The following KCTD17 variants were observed in gnomAD, a reference collection of about 807,000 sequenced individuals.
The protein encoded by KCTD17 is BTB/POZ domain-containing protein KCTD17.
KCTD17 carries 20 observed loss-of-function variants against 41.5 expected under a neutral mutation model. That is an observed-to-expected ratio of 0.48 (90% confidence interval 0.34 to 0.70). KCTD17 has a LOEUF of 0.70. Ranked by LOEUF, KCTD17 falls within the 30% of genes least tolerant of loss-of-function variation. The pLI is 0.01. For synonymous variants in KCTD17, 156 were observed against 173.8 expected, an observed-to-expected ratio of 0.90 and a Z score of 0.80; for missense variants, 317 against 427.2, an observed-to-expected ratio of 0.74 and a Z score of 2.27.
At chr22:37,057,341 C>G in intron 3 of KCTD17, 57 bp from the exon 4 acceptor site, 1 of 1,404,448 alleles carries the variant, frequency 7.1e-7, no homozygotes, top group African/African-American at 1.4e-5. Context: ...GCTCATGCCC[C>G]TCCTGGGGTG....
In KCTD17 at chr22:37,051,952, G is replaced by A; in HGVS notation, c.189+3G>A. On this transcript the variant is annotated splice_donor_region_variant and intron_variant, in intron 1 of 8. Coordinates refer to ENST00000403888, the MANE Select transcript of KCTD17 (RefSeq NM_001282684.2). ...GGGAAGAGCTGCAGTCGGACCGGGTGAGGCCCCCGGGGTGGGCGGCGAGCG... is the reference window on the plus strand; with the variant it reads ...GGGAAGAGCTGCAGTCGGACCGGGTAAGGCCCCCGGGGTGGGCGGCGAGCG... The A allele has an allele frequency of 4.7e-6, 7 of 1,474,302 alleles. No individual in the cohort carries two copies. The highest frequency in any genetic ancestry group is 2.1e-4 in the Middle Eastern group (1 of 4,842). 91.3% of individuals were successfully genotyped at this position (1,474,302 alleles called of 1,614,324 possible).
intron 5 of KCTD17, 175 bp downstream of exon 5, chr22:37,059,613 G>C (rs1925544083): frequency 2.7e-6 from 2 of 753,340 alleles, no homozygotes; most frequent in Non-Finnish European, 4.2e-6. Flanking sequence ...CCGTTACCCA[G>C]GCCCAGGCTG....
In KCTD17 at chr22:37,058,775, C is replaced by T. The variant is rs553104705; in HGVS notation, c.487-538C>T. On this transcript the variant is annotated intron_variant, in intron 4 of 8. Transcript: ENST00000403888. ...GGTGTCTTTGGCAATTGCACAGGCT[C>T]TCAGAGGCTGAGCAAGCAGGCCAGG... Among the ~76,000 whole-genome samples the T allele has an allele frequency of 3.5e-3, 529 of 152,340 alleles. 4 individuals are homozygous for T. The highest frequency in any genetic ancestry group is 0.012 in the African/African-American group (507 of 41,582).
Position 37,061,632 on chromosome 22 carries a change from T to C in KCTD17, c.875+3T>C. 6.3e-7 allele frequency: 1 copy of C among 1,595,576 alleles called. No homozygotes were observed. The highest frequency in any genetic ancestry group is 8.5e-7 in the Non-Finnish European group (1 of 1,177,740). ...CGCCCCCAGAGCTGCCATCCCTGGT[T>C]TGTAGCTTGGCGGTGCTGGAGGGAG... On this transcript the variant is annotated splice_donor_region_variant and intron_variant, in intron 8 of 8. Coordinates refer to ENST00000403888, the MANE Select transcript of KCTD17 (RefSeq NM_001282684.2). The surrounding 1 kb of genome is among the most constrained non-coding windows in gnomAD (Gnocchi z 6.6).
rs563025506 is a variant in KCTD17 at position 37,061,127 on chromosome 22, A to C, written c.736A>C (p.Asn246His). 5.4e-5 allele frequency: 84 copies of C among 1,551,116 alleles called. No individual in the cohort carries two copies. In the South Asian group the frequency reaches 9.8e-4, roughly 18 times the overall value. ...AGCCCAGTCATCTCAGGATCCCGCTAACCTTTTCTCCCTCCCACCACTGCC... is the reference window on the plus strand; with the variant it reads ...AGCCCAGTCATCTCAGGATCCCGCTCACCTTTTCTCCCTCCCACCACTGCC... ...EKAQSSQDPANLFSLPPLPPP... is the reference protein window; with the variant it reads ...EKAQSSQDPAHLFSLPPLPPP... Residue 246 changes from asparagine (N) to histidine (H), a missense_variant, in exon 7 of 9, where the codon AAC becomes CAC. By Grantham distance (68) the Asn-to-His change is moderately conservative. Coordinates refer to ENST00000403888, the MANE Select transcript of KCTD17 (RefSeq NM_001282684.2). The surrounding 1 kb of genome is among the most constrained non-coding windows in gnomAD (Gnocchi z 6.6).
intron 5 of KCTD17, 44 bp from the exon 6 acceptor site, chr22:37,060,779 G>T: frequency 6.9e-7 from 1 of 1,457,946 alleles, no homozygotes; most frequent in Non-Finnish European, 9.1e-7. Flanking sequence ...CCCTCTGTTA[G>T]TGTCTCCACT....
chr22:37,055,907 G>A (rs571209932), intron 2 of KCTD17, among the ~76,000 whole-genome samples: 3 of 152,288 alleles, frequency 2.0e-5, no homozygotes, highest in Non-Finnish European at 4.4e-5. Context: ...CTAGTTCTGA[G>A]AATTCAAAAA....
rs959934185 is a variant in KCTD17, at chr22:37,051,919, G to A, written c.159G>A (p.Leu53=). The stretch of plus-strand genomic sequence containing the variant: ...AGCAGAAGTCCTTCCTCAGCCGCCT[G>A]TGCCAGGGGGAAGAGCTGCAGTCGG... ...CREQKSFLSR[L]CQGEELQSDR... Residue 53 remains leucine, a synonymous_variant, in exon 1 of 9, where the codon CTG becomes CTA. Coordinates refer to ENST00000403888, the MANE Select transcript of KCTD17 (RefSeq NM_001282684.2). The A allele has an allele frequency of 2.7e-6, 4 of 1,500,918 alleles. No individual in the cohort carries two copies. Among genetic ancestry groups the A allele is most frequent in the Non-Finnish European group, 3.6e-6 (4 of 1,125,076 alleles). 93.0% of individuals were successfully genotyped at this position (1,500,918 alleles called of 1,614,324 possible).
intron 3 of KCTD17, 95 bp from the exon 4 acceptor site, chr22:37,057,303 G>C (rs973713580): frequency 2.2e-6 from 2 of 898,232 alleles, no homozygotes; most frequent in African/African-American, 3.3e-5. Context: ...TCTTCTTTGG[G>C]TATGTTGCGG....
chr22:37,053,192 G>A lies in KCTD17; in HGVS notation c.282G>A (p.Lys94=). ...GGCATGGCAAGCTGGTGCTGGACAA[G>A]GACATGGCTGAGGAGGGTGAGTTGG... is the stretch of plus-strand genomic sequence containing the variant. ...FLRHGKLVLD[K]DMAEEGVLEE... Residue 94 remains lysine, a synonymous_variant, in exon 2 of 9, where the codon AAG becomes AAA. Transcript: ENST00000403888. The surrounding 1 kb of genome is among the most constrained non-coding windows in gnomAD (Gnocchi z 4.1). 1 of 1,603,674 alleles carries A rather than the reference G, an allele frequency of 6.2e-7. No individual in the cohort carries two copies. Among genetic ancestry groups the A allele is most frequent in the Non-Finnish European group, 8.5e-7 (1 of 1,175,274 alleles).
Position 37,062,842 on chromosome 22 carries a change from G to A in KCTD17, c.*248G>A, listed in dbSNP as rs1925956243. 5.2e-6 allele frequency: 4 copies of A among 764,846 alleles called. No individual in the cohort carries two copies. The highest frequency in any genetic ancestry group is 2.0e-5 in the South Asian group (1 of 49,334). The allele number at this position is 764,846 out of a possible 1,614,324, so 47.4% of individuals were successfully genotyped here. On this transcript the variant is annotated 3_prime_UTR_variant, in exon 9 of 9. Coordinates refer to ENST00000403888, the MANE Select transcript of KCTD17 (RefSeq NM_001282684.2). The stretch of plus-strand genomic sequence containing the variant: ...CTCCGGCACCTGCGTCCCCTCTCCC[G>A]GGCTCCCCTGCTGCATGGTGGATGT...
In KCTD17 at chr22:37,061,100, G is replaced by T; in HGVS notation, c.713-4G>T. The T allele has an allele frequency of 6.4e-7, 1 of 1,551,430 alleles. No homozygotes were observed. Among genetic ancestry groups the T allele is most frequent in the Middle Eastern group, 1.7e-4 (1 of 5,992 alleles). The stretch of plus-strand genomic sequence containing the variant: ...CCATCCCTTCTCTCACTTTCTCTTT[G>T]CAGCCCAGTCATCTCAGGATCCCGC... On this transcript the variant is annotated splice_region_variant and splice_polypyrimidine_tract_variant and intron_variant, in intron 6 of 8. Transcript: ENST00000403888. The surrounding 1 kb of genome is among the most constrained non-coding windows in gnomAD (Gnocchi z 6.6).
At chr22:37,057,127 C>A (rs574717152) in intron 3 of KCTD17, among the ~76,000 whole-genome samples, 1 of 152,254 alleles carries the variant, frequency 6.6e-6, no homozygotes, top group Admixed American at 6.5e-5. Context: ...AGCTGGGTGA[C>A]CTTGGGCAAG....
intron 2 of KCTD17, among the ~76,000 whole-genome samples, chr22:37,055,968 CAG>C (rs1304269948): frequency 1.3e-5 from 2 of 152,334 alleles, no homozygotes; most frequent in East Asian, 3.9e-4. Flanking sequence ...AGCACATAAT[CAG>C]GGGTCAGGCA....
rs747826376 is a variant in KCTD17, at chr22:37,051,859, G to A, written c.99G>A (p.Thr33=). ...GKWVRLNVGG[T]VFLTTRQTLC... is the part of the protein sequence containing the mutation. ...GGGTGCGGCTCAACGTGGGGGGCAC[G>A]GTGTTCCTGACCACCCGGCAGACGC... is the stretch of plus-strand genomic sequence containing the variant. The change falls in exon 1 of 9, where the codon ACG becomes ACA. Residue 33 remains threonine (T), a synonymous_variant. Transcript: ENST00000403888. 2.8e-5 allele frequency: 42 copies of A among 1,475,912 alleles called. No homozygotes were observed. The highest frequency in any genetic ancestry group is 2.0e-4 in the East Asian group (7 of 35,482). 91.4% of individuals were successfully genotyped at this position (1,475,912 alleles called of 1,614,324 possible).
intron 2 of KCTD17, chr22:37,055,040 AGACTGCT>A (rs773825942): frequency 3.9e-5 from 6 of 152,218 alleles, no homozygotes; most frequent in Non-Finnish European, 7.3e-5. Flanking sequence ...TCCGGATTGC[AGACTGCT>A]GACTTCTCGT....
At chr22:37,052,266 G>A in intron 1 of KCTD17, 1 of 399,326 alleles carries the variant, frequency 2.5e-6, no homozygotes, top group Non-Finnish European at 4.7e-6. Flanking sequence ...CTCCCAAAGG[G>A]GACTCCTGCT....
chr22:37,060,860 AGGAGGAGGT>A lies in KCTD17; in HGVS notation c.665_673del (p.Glu222_Glu224del), dbSNP rs1030764419. The stretch of plus-strand genomic sequence containing the variant: ...CAGCTGGAGGAGCAGCAGCAGCAGG[AGGAGGAGGT>A]GGAGGAGGTGGAGGTGGAACAGGTG... On this transcript the variant is annotated inframe_deletion, in exon 6 of 9. Transcript: ENST00000403888. 8 of 1,531,896 alleles carry A rather than the reference AGGAGGAGGT, an allele frequency of 5.2e-6. No homozygotes were observed. Among genetic ancestry groups the A allele is most frequent in the African/African-American group, 4.1e-5 (3 of 72,488 alleles). 94.9% of individuals were successfully genotyped at this position (1,531,896 alleles called of 1,614,324 possible). A position where few individuals can be genotyped will look rare whatever the true frequency, so the allele number is the denominator to read the frequency against.
Position 37,053,291 on chromosome 22 carries a change from AG to A in KCTD17, c.298+85del. 1 of 1,056,428 alleles carries A rather than the reference AG, an allele frequency of 9.5e-7. No individual in the cohort carries two copies. The highest frequency in any genetic ancestry group is 1.4e-5 in the South Asian group (1 of 73,396). 65.4% of individuals were successfully genotyped at this position (1,056,428 alleles called of 1,614,324 possible). On this transcript the variant is annotated intron_variant, in intron 2 of 8. Transcript: ENST00000403888. The surrounding 1 kb of genome is among the most constrained non-coding windows in gnomAD (Gnocchi z 4.1). ...GAGGCCCCAAGCCATTTGGACAACC[AG>A]GACGGCCATCTGCCTGCTTGGTTGT...
Sources: gnomAD v4.1 joint callset for allele counts (sites outside exome capture counted in the v4.1 genomes callset) on GRCh38, gnomAD v4.1.1 for gene constraint, Gnocchi (gnomAD v3.1) non-coding constraint, MANE v1.5 for transcripts, NCBI Gene and HGNC (gene_info 2026-07-23, HGNC 2026-07-21) for gene names.